CACNA2D1: variants seen among roughly 807,000 people sequenced by gnomAD.
CACNA2D1 encodes the protein voltage-dependent calcium channel subunit alpha-2/delta-1.
In CACNA2D1, 53 loss-of-function variants were observed where a neutral mutation model predicts 171.5. The observed-to-expected ratio is 0.31, with a 90% confidence interval of 0.25 to 0.39. The LOEUF (loss-of-function observed/expected upper bound fraction) is 0.39. CACNA2D1 is among the 10% of genes least tolerant of loss of function. CACNA2D1 has a pLI of 1.00. For synonymous variants in CACNA2D1, 442 were observed against 443.1 expected, an observed-to-expected ratio of 1.00 and a Z score of 0.03; for missense variants, 903 against 1,299.8, an observed-to-expected ratio of 0.69 and a Z score of 4.69.
intron 3 of CACNA2D1, among the ~76,000 whole-genome samples, chr7:82,304,993 C>T (rs977392139): frequency 6.6e-6 from 1 of 152,152 alleles, no homozygotes; most frequent in Admixed American, 6.5e-5. Flanking sequence ...AGTATGTACA[C>T]ATATTATGTA....
intron 3 of CACNA2D1, among the ~76,000 whole-genome samples, chr7:82,219,358 C>T (rs1171240218): frequency 6.6e-6 from 1 of 152,064 alleles, no homozygotes; most frequent in Non-Finnish European, 1.5e-5. Flanking sequence ...ATTGGTTCTA[C>T]ATAATTTTTT....
intron 18 of CACNA2D1, among the ~76,000 whole-genome samples, chr7:82,003,747 T>TC (rs1392715726): frequency 6.7e-6 from 1 of 149,264 alleles, no homozygotes; most frequent in East Asian, 1.9e-4. Flanking sequence ...CACATTACTT[T>TC]TTTTTTTTTT....
At chr7:82,157,312 C>T (rs3801737) in intron 4 of CACNA2D1, among the ~76,000 whole-genome samples, 49,738 of 151,974 alleles carry the variant, frequency 0.33, 9,794 homozygotes, top group East Asian at 0.5. Flanking sequence ...ATTTCTACAA[C>T]GTTCTCTTCA....
At chr7:82,040,408 T>TTAAA (rs1307547682) in intron 10 of CACNA2D1, among the ~76,000 whole-genome samples, 2 of 128,820 alleles carry the variant, frequency 1.6e-5, no homozygotes, top group Admixed American at 8.9e-5. Context: ...ATGATAACAT[T>TTAAA]TAAAGCATGA....
chr7:82,158,960 G>A (rs1794660066), intron 4 of CACNA2D1, among the ~76,000 whole-genome samples: 1 of 151,772 alleles, frequency 6.6e-6, no homozygotes, highest in Admixed American at 6.6e-5. Context: ...TAACTTTAGG[G>A]TATCTGTTTA....
intron 3 of CACNA2D1, among the ~76,000 whole-genome samples, chr7:82,176,943 C>T (rs1345141404): frequency 1.3e-5 from 2 of 151,944 alleles, no homozygotes; most frequent in Non-Finnish European, 2.9e-5. Flanking sequence ...ATTTCAGTGG[C>T]CTCTGCCACA....
chr7:82,126,561 T>C (rs567097487), intron 5 of CACNA2D1, among the ~76,000 whole-genome samples: 1 of 152,306 alleles, frequency 6.6e-6, no homozygotes, highest in East Asian at 1.9e-4. Context: ...ATCCGCCCAA[T>C]TTCCTCAAAG....
At chr7:82,073,270 T>G (rs559967377) in intron 7 of CACNA2D1, among the ~76,000 whole-genome samples, 1 of 152,318 alleles carries the variant, frequency 6.6e-6, no homozygotes, top group African/African-American at 2.4e-5. Flanking sequence ...CATTTTTATT[T>G]AGAAACTGAT....
intron 10 of CACNA2D1, among the ~76,000 whole-genome samples, chr7:82,040,452 C>CAAAAAAA (rs34257660): frequency 3.8e-5 from 4 of 106,522 alleles, no homozygotes; most frequent in Admixed American, 3.0e-4. Context: ...ATAATTTATT[C>CAAAAAAA]AAAAAAAAAA....
At chr7:82,114,397 C>T (rs1467439654) in intron 6 of CACNA2D1, among the ~76,000 whole-genome samples, 1 of 152,126 alleles carries the variant, frequency 6.6e-6, no homozygotes, top group Non-Finnish European at 1.5e-5. Context: ...CAAACAATAA[C>T]CTATAAACTT....
chr7:82,247,371 G>T (rs570370183), intron 3 of CACNA2D1, among the ~76,000 whole-genome samples: 1 of 151,922 alleles, frequency 6.6e-6, no homozygotes, highest in African/African-American at 2.4e-5. Context: ...TTAGCCAGGG[G>T]TGGTGATGTG....
chr7:82,366,903 CTTTTTTTTTTTT>C (rs71093376), intron 1 of CACNA2D1, among the ~76,000 whole-genome samples: 1 of 86,944 alleles, frequency 1.2e-5, no homozygotes, highest in South Asian at 5.2e-4. Flanking sequence ...TGGTTTTGAC[CTTTTTTTTTTTT>C]TTTTTTTTTT....
At chr7:82,213,925 C>T (rs947153723) in intron 3 of CACNA2D1, among the ~76,000 whole-genome samples, 2 of 152,134 alleles carry the variant, frequency 1.3e-5, no homozygotes, top group Non-Finnish European at 2.9e-5. Context: ...GTATTTCTCA[C>T]AGTTCTGGAG....
At chr7:82,045,074 CTT>C (rs1479816331) in intron 10 of CACNA2D1, among the ~76,000 whole-genome samples, 2 of 151,818 alleles carry the variant, frequency 1.3e-5, no homozygotes, top group Admixed American at 1.3e-4. Context: ...TTTAGTATGT[CTT>C]TGAATTTCAG....
chr7:82,138,426 G>GTTTTTTTTTTTTTTTTTTTTTTT (rs1159205363), intron 4 of CACNA2D1, among the ~76,000 whole-genome samples: 2 of 101,314 alleles, frequency 2.0e-5, no homozygotes, highest in Non-Finnish European at 2.0e-5. Context: ...TATAGCATTA[G>GTTTTTTTTTTTTTTTTTTTTTTT]TTTTGTTTTT....
At chr7:82,332,251 G>A (rs1049869583) in intron 3 of CACNA2D1, among the ~76,000 whole-genome samples, 3 of 151,940 alleles carry the variant, frequency 2.0e-5, no homozygotes, top group Admixed American at 6.6e-5. Context: ...TAGTAAACAC[G>A]GGGTTTCACC....
chr7:82,238,005 A>C (rs1256085335), intron 3 of CACNA2D1, among the ~76,000 whole-genome samples: 8 of 151,960 alleles, frequency 5.3e-5, no homozygotes, highest in Non-Finnish European at 1.2e-4. Context: ...ACACTATCTC[A>C]TATATATTAC....
At chr7:82,040,460 A>AAAC (rs202211491) in intron 10 of CACNA2D1, among the ~76,000 whole-genome samples, 2,473 of 146,728 alleles carry the variant, frequency 0.017, 42 homozygotes, top group Middle Eastern at 0.027. Context: ...TTCAAAAAAA[A>AAAC]AAAAAAAAAA....
intron 3 of CACNA2D1, among the ~76,000 whole-genome samples, chr7:82,197,179 G>T (rs930897969): frequency 2.0e-5 from 3 of 151,808 alleles, no homozygotes; most frequent in African/African-American, 7.3e-5. Context: ...CTTTACTAAA[G>T]ATTACTTAAT....
Sources: allele counts gnomAD v4.1 joint callset (sites outside exome capture counted in the v4.1 genomes callset), GRCh38; gene constraint gnomAD v4.1.1; transcripts MANE v1.5; gene names NCBI Gene and HGNC (gene_info 2026-07-23, HGNC 2026-07-21).